IFT27: variants seen among roughly 807,000 people sequenced by gnomAD.
IFT27 encodes the protein intraflagellar transport 27, also known as intraflagellar transport protein 27 homolog.
In IFT27, 19 loss-of-function variants were observed where a neutral mutation model predicts 23.9. The ratio of observed to expected loss-of-function variants is 0.79; its 90% CI spans 0.55 to 1.16. The LOEUF (loss-of-function observed/expected upper bound fraction) is 1.16, where lower values mean the gene tolerates loss of function less well. IFT27 is among the 50% of genes most tolerant of loss of function. The probability of loss-of-function intolerance (pLI) is 0.00; values close to 1 mark genes in which losing one functional copy is unlikely to be tolerated. For synonymous variants in IFT27, 91 were observed against 89.1 expected (o/e 1.02, Z -0.12); for missense variants, 206 against 228.7 (o/e 0.90, Z 0.64).
chr22:36,765,492 C>G (rs1478918642), intron 4 of IFT27, among the ~76,000 whole-genome samples: 1 of 144,170 alleles, frequency 6.9e-6, no homozygotes, highest in African/African-American at 2.9e-5. Context: ...TTCTCTTAGG[C>G]AACAAAAAAA....
intron 6 of IFT27, chr22:36,760,390 G>A (rs1938057054): frequency 6.6e-6 from 1 of 152,242 alleles, no homozygotes; most frequent in Admixed American, 6.5e-5. Flanking sequence ...TTCTGAAATA[G>A]ATGAAAATTG....
chr22:36,762,670 T>A (rs1040718207), intron 6 of IFT27: 2 of 386,266 alleles, frequency 5.2e-6, no homozygotes, highest in Non-Finnish European at 9.4e-6. Flanking sequence ...TTGTATTTCT[T>A]ACTAGTTGAG....
chr22:36,761,375 T>C (rs1408782273), intron 6 of IFT27: 1 of 152,364 alleles, frequency 6.6e-6, no homozygotes, highest in African/African-American at 2.4e-5. Context: ...GCAGAAAAGA[T>C]GGCAAACCCT....
At chr22:36,763,473 G>A (rs1938152313) in intron 5 of IFT27, 1 of 283,006 alleles carries the variant, frequency 3.5e-6, no homozygotes, top group African/African-American at 2.2e-5. Context: ...GCCTGTCTCT[G>A]GAGATCACTT....
intron 1 of IFT27, among the ~76,000 whole-genome samples, chr22:36,771,270 TCC>T: frequency 6.6e-6 from 1 of 152,280 alleles, no homozygotes. Context: ...TGCCTCAGTT[TCC>T]CCCTTTTCCT....
At chr22:36,775,568 G>T in intron 1 of IFT27, 106 bp downstream of exon 1, 2 of 1,223,916 alleles carry the variant, frequency 1.6e-6, no homozygotes, top group South Asian at 1.2e-5. Context: ...CTTTGGGAGA[G>T]AGAAAGGAAA....
intron 1 of IFT27, chr22:36,772,441 G>A (rs551685269): frequency 3.4e-6 from 3 of 883,412 alleles, no homozygotes; most frequent in East Asian, 1.2e-4. Flanking sequence ...TATGCACAGT[G>A]CCTGGCATAT....
At chr22:36,765,324 C>T (rs1415891884) in intron 4 of IFT27, among the ~76,000 whole-genome samples, 3 of 152,046 alleles carry the variant, frequency 2.0e-5, no homozygotes, top group East Asian at 1.9e-4. Context: ...TGTGAGCTGA[C>T]GGGTGGCACA....
intron 4 of IFT27, among the ~76,000 whole-genome samples, chr22:36,765,723 A>C (rs762576484): frequency 6.6e-6 from 1 of 152,218 alleles, no homozygotes; most frequent in Non-Finnish European, 1.5e-5. Flanking sequence ...AGCAAACCCC[A>C]GTGGAACGGC....
intron 3 of IFT27, among the ~76,000 whole-genome samples, chr22:36,766,701 T>A (rs1241274787): frequency 6.6e-6 from 1 of 152,158 alleles, no homozygotes; most frequent in Non-Finnish European, 1.5e-5. Context: ...GGGTGCGGGA[T>A]GACCCTTCCT....
At chr22:36,767,516 C>T in intron 2 of IFT27, 151 bp from the exon 3 acceptor site, 1 of 727,830 alleles carries the variant, frequency 1.4e-6, no homozygotes, top group Non-Finnish European at 2.3e-6. Context: ...GCTCAGCATG[C>T]AGAAGTCAGA....
chr22:36,770,575 G>A (rs536831471), intron 1 of IFT27, among the ~76,000 whole-genome samples: 3 of 152,156 alleles, frequency 2.0e-5, no homozygotes, highest in Non-Finnish European at 4.4e-5. Flanking sequence ...GCCAAGCTCC[G>A]TCATGCCCTG....
At chr22:36,775,318 T>C (rs1345753311) in intron 1 of IFT27, among the ~76,000 whole-genome samples, 1 of 152,164 alleles carries the variant, frequency 6.6e-6, no homozygotes, top group East Asian at 1.9e-4. Context: ...GGGTACAGTA[T>C]ATGTTTAGCT....
At chr22:36,766,435 G>C in intron 3 of IFT27, 1 of 525,420 alleles carries the variant, frequency 1.9e-6, no homozygotes, top group Non-Finnish European at 3.5e-6. Flanking sequence ...CTTTCTGTGT[G>C]GAGTCTCACC....
chr22:36,772,754 C>T, intron 1 of IFT27: 1 of 985,142 alleles, frequency 1.0e-6, no homozygotes, highest in Non-Finnish European at 1.2e-6. Flanking sequence ...AACTGAACGT[C>T]AGGTCCTTCA....
chr22:36,762,943 C>T lies in IFT27; in HGVS notation c.423G>A (p.Trp141Ter). The T allele has an allele frequency of 6.3e-7, 1 of 1,597,296 alleles. No individual in the cohort carries two copies. The highest frequency in any genetic ancestry group is 8.6e-7 in the Non-Finnish European group (1 of 1,169,256). The change falls in exon 6 of 7, where the codon TGG becomes TGA. Residue 141 changes from tryptophan to a stop codon, truncating the protein, a stop_gained. Coordinates refer to ENST00000433985, the MANE Select transcript of IFT27 (RefSeq NM_001177701.3). LOFTEE classifies it high-confidence loss of function. ...AACATTCCAGGCCCTGGCCCAGCGC[C>T]CATGCCCGGGCCTCAGCTGAGTCCA... ...RAVDSAEARA[W>*]ALGQGLECFE... is the part of the protein sequence containing the mutation.
chr22:36,765,415 T>C (rs1938218902), intron 4 of IFT27, among the ~76,000 whole-genome samples: 1 of 152,076 alleles, frequency 6.6e-6, no homozygotes, highest in African/African-American at 2.4e-5. Flanking sequence ...CGGTAGGCAA[T>C]TGGGGTGAAC....
intron 1 of IFT27, among the ~76,000 whole-genome samples, chr22:36,772,222 T>A (rs1332329575): frequency 6.6e-6 from 1 of 152,154 alleles, no homozygotes; most frequent in Non-Finnish European, 1.5e-5. Flanking sequence ...CCCAGGAGGC[T>A]CTATTACCAT....
At chr22:36,762,124 C>T (rs928089921) in intron 6 of IFT27, 1 of 152,250 alleles carries the variant, frequency 6.6e-6, no homozygotes, top group East Asian at 1.9e-4. Context: ...ACTTCATGCC[C>T]TTCCTAGTGG....
Sources: allele counts gnomAD v4.1 joint callset (sites outside exome capture counted in the v4.1 genomes callset), GRCh38; gene constraint gnomAD v4.1.1; transcripts MANE v1.5; gene names NCBI Gene and HGNC (gene_info 2026-07-23, HGNC 2026-07-21).